NME9: variants seen among roughly 807,000 people sequenced by gnomAD.
NME9 encodes NME/NM23 family member 9, also known as thioredoxin domain-containing protein 6.
In NME9, 48 loss-of-function variants were observed where a neutral mutation model predicts 44.4. The ratio of observed to expected loss-of-function variants is 1.08; its 90% CI spans 0.86 to 1.37. The LOEUF (loss-of-function observed/expected upper bound fraction) is 1.37. Ranked by LOEUF, NME9 falls within the 40% of genes most tolerant of loss-of-function variation. NME9 has a pLI of 0.00. For synonymous variants in NME9, 139 were observed against 147.1 expected (o/e 0.94, Z 0.40); for missense variants, 325 against 405.2 (o/e 0.80, Z 1.70).
intron 8 of NME9, among the ~76,000 whole-genome samples, chr3:138,276,258 T>C (rs2049283083): frequency 6.6e-6 from 1 of 152,204 alleles, no homozygotes; most frequent in Non-Finnish European, 1.5e-5. Flanking sequence ...GATAAATTAT[T>C]TTTTTGACTG....
Position 138,272,523 on chromosome 3 carries a change from C to T in NME9, c.746-9937G>A, listed in dbSNP as rs116649628. ...AGAAATATAGGTGATTAACAAGAAT[C>T]AAGAAAATAGATTGATTTATCCTTA... On this transcript the variant is annotated intron_variant, in intron 8 of 8. Transcript: ENST00000317876. Among the ~76,000 whole-genome samples the T allele has an allele frequency of 3.5e-3, 529 of 152,262 alleles. 2 individuals carry two copies. Among genetic ancestry groups the T allele is most frequent in the African/African-American group, 0.012 (500 of 41,552 alleles).
At chr3:138,274,742 A>G (rs2049110758) in intron 8 of NME9, among the ~76,000 whole-genome samples, 2 of 152,226 alleles carry the variant, frequency 1.3e-5, no homozygotes, top group South Asian at 2.1e-4. Flanking sequence ...AAACATGACC[A>G]GCGTCTACAG....
chr3:138,301,716 C>G lies in NME9; in HGVS notation c.929-12G>C. The G allele has an allele frequency of 1.3e-6, 2 of 1,535,008 alleles. No homozygotes were observed. The highest frequency in any genetic ancestry group is 4.9e-5 in the East Asian group (2 of 40,904). On this transcript the variant is annotated splice_polypyrimidine_tract_variant and intron_variant, in intron 10 of 10. Coordinates refer to ENST00000333911, the MANE Select transcript of NME9 (RefSeq NM_001349018.2). ...TTCAGCCTCACCGCCTGTGGGATGA[C>G]AGATGTTTGGTAGGACTCCTGAAAC...
intron 6 of NME9, among the ~76,000 whole-genome samples, chr3:138,311,865 A>G (rs1481454150): frequency 1.3e-5 from 2 of 152,176 alleles, no homozygotes; most frequent in South Asian, 4.1e-4. Flanking sequence ...ACTTTAATTC[A>G]AAGACCCCAC....
intron 8 of NME9, among the ~76,000 whole-genome samples, chr3:138,283,756 T>C (rs1014982679): frequency 7.2e-5 from 11 of 152,230 alleles, no homozygotes; most frequent in Non-Finnish European, 1.2e-4. Flanking sequence ...ATCAGTGCAG[T>C]GGTTGTCCTC....
At chr3:138,279,896 T>C (rs2049706027) in intron 8 of NME9, among the ~76,000 whole-genome samples, 1 of 152,114 alleles carries the variant, frequency 6.6e-6, no homozygotes, top group Admixed American at 6.6e-5. Flanking sequence ...TTGTTCTTTA[T>C]ATTGGTAATT....
At chr3:138,301,957 G>A (rs914916244) in intron 10 of NME9, among the ~76,000 whole-genome samples, 1 of 152,164 alleles carries the variant, frequency 6.6e-6, no homozygotes, top group African/African-American at 2.4e-5. Flanking sequence ...CTATGATGAA[G>A]ATTTTTATTA....
At chr3:138,320,066 T>C (rs1338985750) in intron 2 of NME9, among the ~76,000 whole-genome samples, 1 of 152,226 alleles carries the variant, frequency 6.6e-6, no homozygotes. Flanking sequence ...AGCAGAGTTT[T>C]ATCTACTTTA....
chr3:138,294,918 G>A, intron 8 of NME9, among the ~76,000 whole-genome samples: 1 of 146,748 alleles, frequency 6.8e-6, no homozygotes, highest in Admixed American at 6.8e-5. Context: ...TTTTTTTTGA[G>A]ATGGAGTTTC....
At chr3:138,278,110 A>G (rs1178504145) in intron 8 of NME9, among the ~76,000 whole-genome samples, 1 of 152,252 alleles carries the variant, frequency 6.6e-6, no homozygotes, top group Non-Finnish European at 1.5e-5. Flanking sequence ...GGTTGGGGGC[A>G]GGATTTGACT....
In NME9 at chr3:138,329,620, C is replaced by T. The variant is rs1338680200; in HGVS notation, c.-285G>A. The T allele has an allele frequency of 1.5e-6, 2 of 1,295,838 alleles. No individual in the cohort carries two copies. The highest frequency in any genetic ancestry group is 2.0e-6 in the Non-Finnish European group (2 of 1,022,798). The allele number at this position is 1,295,838 out of a possible 1,614,324, so 80.3% of individuals were successfully genotyped here. A position where few individuals can be genotyped will look rare whatever the true frequency, so the allele number is the denominator to read the frequency against. On this transcript the variant is annotated 5_prime_UTR_variant, in exon 1 of 11. Coordinates refer to ENST00000333911, the MANE Select transcript of NME9 (RefSeq NM_001349018.2). Reference sequence around the variant, plus strand: ...AGCCCCCTCCCCACCCCGGAGCCGGCCAGGGGGCGCGCGCAGAGGCCGGAG... The same window carrying T: ...AGCCCCCTCCCCACCCCGGAGCCGGTCAGGGGGCGCGCGCAGAGGCCGGAG...
intron 8 of NME9, chr3:138,284,559 G>A (rs2050224028): frequency 6.9e-7 from 1 of 1,454,956 alleles, no homozygotes; most frequent in Non-Finnish European, 9.7e-7. Context: ...CGTAGGATTA[G>A]AATGCAGGGA....
At chr3:138,304,714 C>G (rs747105943) in intron 9 of NME9, among the ~76,000 whole-genome samples, 159 bp downstream of exon 9, 1 of 152,160 alleles carries the variant, frequency 6.6e-6, no homozygotes, top group Non-Finnish European at 1.5e-5. Context: ...TGGAACAGAG[C>G]GGGAAGATGT....
downstream of NME9, chr3:138,297,407 A>G (rs528114419): frequency 6.6e-6 from 1 of 152,288 alleles, no homozygotes; most frequent in East Asian, 1.9e-4. Flanking sequence ...AGGCTTCGCA[A>G]CCAGGATGCA....
intron 8 of NME9, chr3:138,264,046 T>G: frequency 8.1e-7 from 1 of 1,228,346 alleles, no homozygotes; most frequent in East Asian, 2.3e-5. Context: ...GAAGTGTACA[T>G]TAGTCATTGT....
At chr3:138,302,926 C>G (rs749700560) in intron 10 of NME9, among the ~76,000 whole-genome samples, 4 of 152,252 alleles carry the variant, frequency 2.6e-5, no homozygotes, top group Non-Finnish European at 5.9e-5. Flanking sequence ...GGGCTCCGGA[C>G]CCCTTGGGGT....
intron 2 of NME9, 70 bp from the exon 3 acceptor site, chr3:138,319,651 C>A (rs2053337639): frequency 6.4e-6 from 5 of 786,038 alleles, no homozygotes; most frequent in Non-Finnish European, 1.1e-5. Flanking sequence ...TAATTTATAC[C>A]TGTACATTCT....
At chr3:138,264,822 T>C (rs988499055) in intron 8 of NME9, among the ~76,000 whole-genome samples, 8 of 146,584 alleles carry the variant, frequency 5.5e-5, no homozygotes, top group Admixed American at 4.7e-4. Flanking sequence ...CTTGTAATTT[T>C]TGGTTCTGAA....
At chr3:138,271,699 A>G (rs2048803899) in intron 8 of NME9, among the ~76,000 whole-genome samples, 2 of 152,138 alleles carry the variant, frequency 1.3e-5, no homozygotes, top group African/African-American at 4.8e-5. Context: ...ATTATTATGT[A>G]ACTTGATGGC....
Sources: allele counts gnomAD v4.1 joint callset (sites outside exome capture counted in the v4.1 genomes callset), GRCh38; gene constraint gnomAD v4.1.1; transcripts MANE v1.5; gene names NCBI Gene and HGNC (gene_info 2026-07-23, HGNC 2026-07-21).